BDP1: variants seen among roughly 807,000 people sequenced by gnomAD.
BDP1 encodes the protein transcription factor TFIIIB component B'' homolog.
Under a neutral mutation model 266.6 loss-of-function variants are expected in BDP1, and 169 were observed. The ratio of observed to expected loss-of-function variants is 0.63; its 90% CI spans 0.56 to 0.72. The LOEUF is 0.72. Among genes scored for constraint, BDP1 ranks in the 30% least tolerant of loss-of-function variants. The pLI is 0.00. For synonymous variants in BDP1, 1,090 were observed against 1,022.4 expected (o/e 1.07, Z -1.26); for missense variants, 3,015 against 3,053.8 (o/e 0.99, Z 0.30).
Position 71,501,576 on chromosome 5 carries a change from A to C in BDP1, c.1971A>C (p.Lys657Asn). ...KTSVEKNHVEKDKMNTLDILR... is the reference protein window; with the variant it reads ...KTSVEKNHVENDKMNTLDILR... ...TAAATTCACAGAACCACGTGGAAAA[A>C]GATAAAATGAATACATTGGACATTT... is the stretch of plus-strand genomic sequence containing the variant. The change falls in exon 14 of 39, where the codon AAA becomes AAC. Residue 657 changes from lysine to asparagine, a missense_variant. Physicochemically the swap from Lys to Asn is moderately conservative, Grantham distance 94. This residue lies in a region of BDP1 where 2,383 missense variants were observed against 2,404.9 expected (regional missense o/e 0.99). Transcript: ENST00000358731. The C allele has an allele frequency of 6.3e-7, 1 of 1,595,016 alleles. No homozygotes were observed. Among genetic ancestry groups the C allele is most frequent in the Non-Finnish European group, 8.6e-7 (1 of 1,164,294 alleles).
intron 25 of BDP1, 47 bp from the exon 26 acceptor site, chr5:71,532,261 C>T: frequency 6.4e-7 from 1 of 1,564,498 alleles, no homozygotes; most frequent in African/African-American, 1.4e-5. Flanking sequence ...CTTTGTTTTG[C>T]TGTTTATAAT....
Position 71,481,391 on chromosome 5 carries a change from GAAAAAAAAAAAA to G in BDP1, c.1015-2438_1015-2427del, listed in dbSNP as rs58798987. On this transcript the variant is annotated intron_variant, in intron 7 of 38. Coordinates refer to ENST00000358731, the MANE Select transcript of BDP1 (RefSeq NM_018429.3). ...CATGGCAAGATCCCATCTCTACAAA[GAAAAAAAAAAAA>G]AAAAAAAAAAAAGCCAGGCTTGGTG... Among the ~76,000 whole-genome samples the G allele has an allele frequency of 2.1e-3, 136 of 63,872 alleles. 1 individual carries two copies. The highest frequency in any genetic ancestry group is 7.6e-3 in the African/African-American group (113 of 14,780). 41.9% of individuals were successfully genotyped at this position (63,872 alleles called of 152,430 possible).
At chr5:71,575,490 G>A in the BDP1 span, among the ~76,000 whole-genome samples, 2 of 152,168 alleles carry the variant, frequency 1.3e-5, no homozygotes, top group African/African-American at 2.4e-5. Context: ...TCCAGTGTTT[G>A]TTATTCCAAA....
At chr5:71,556,284 T>C (rs1413467089) in intron 35 of BDP1, among the ~76,000 whole-genome samples, 4 of 152,136 alleles carry the variant, frequency 2.6e-5, no homozygotes, top group African/African-American at 4.8e-5. Context: ...TTTTTTGTAA[T>C]TATAGTGGCT....
At chr5:71,474,614 G>T (rs1461446689) in intron 7 of BDP1, among the ~76,000 whole-genome samples, 2 of 151,866 alleles carry the variant, frequency 1.3e-5, no homozygotes, top group African/African-American at 4.8e-5. Flanking sequence ...TTAGGAGGCT[G>T]AGGGGGGTGG....
chr5:71,539,715 C>G lies in BDP1; in HGVS notation c.6022+66C>G. The G allele has an allele frequency of 1.1e-5, 12 of 1,091,816 alleles. No individual in the cohort carries two copies. The South Asian group carries it at 1.6e-4, about 15-fold the overall frequency. The allele number at this position is 1,091,816 out of a possible 1,614,324, so 67.6% of individuals were successfully genotyped here. The stretch of plus-strand genomic sequence containing the variant: ...TAAAACCTAACTTAAGAAATTATAC[C>G]CACATTTGAGTAATAACCCTTTTAC... On this transcript the variant is annotated intron_variant, in intron 28 of 38. Transcript: ENST00000358731.
At chr5:71,576,610 T>G in the BDP1 span, among the ~76,000 whole-genome samples, 312 of 152,346 alleles carry the variant, frequency 2.0e-3, no homozygotes, top group African/African-American at 6.3e-3. Context: ...GCCCACTGGC[T>G]AGAAAACAAT....
In BDP1 at chr5:71,522,992, A is replaced by G. The variant is rs1212223846; in HGVS notation, c.5387+43A>G. On this transcript the variant is annotated intron_variant, in intron 24 of 38. Coordinates refer to ENST00000358731, the MANE Select transcript of BDP1 (RefSeq NM_018429.3). ...AAAATGTTTCACAATAAGAAATAAA[A>G]ATCACTTAACTTTTACCTTAACTTA... is the stretch of plus-strand genomic sequence containing the variant. 3 of 1,502,256 alleles carry G rather than the reference A, an allele frequency of 2.0e-6. No individual in the cohort carries two copies. In the African/African-American group the frequency reaches 4.2e-5, roughly 21 times the overall value. 93.1% of individuals were successfully genotyped at this position (1,502,256 alleles called of 1,614,324 possible).
At chr5:71,469,248 C>T (rs772997012) in intron 6 of BDP1, among the ~76,000 whole-genome samples, 2 of 151,786 alleles carry the variant, frequency 1.3e-5, no homozygotes, top group Non-Finnish European at 2.9e-5. Flanking sequence ...AGGTGATTCT[C>T]CTTCCTCAGT....
chr5:71,549,688 C>A, intron 34 of BDP1, 82 bp downstream of exon 34: 3 of 1,131,178 alleles, frequency 2.7e-6, no homozygotes, highest in Non-Finnish European at 2.4e-6. Context: ...AACCATTCAC[C>A]AATGTTAGTT....
intron 25 of BDP1, among the ~76,000 whole-genome samples, chr5:71,526,739 G>A (rs1280646940): frequency 6.9e-6 from 1 of 144,824 alleles, no homozygotes; most frequent in African/African-American, 2.6e-5. Context: ...CCAGTCTGGA[G>A]TGCAGTGGTG....
In BDP1 at chr5:71,548,665, T is replaced by A. The variant is rs1457340047; in HGVS notation, c.6745-17T>A. ...ATTTGGCCAACCTGACTCTTTCATTTTAATTTTTTATGGCAGTATACACCA... is the reference window on the plus strand; with the variant it reads ...ATTTGGCCAACCTGACTCTTTCATTATAATTTTTTATGGCAGTATACACCA... On this transcript the variant is annotated splice_polypyrimidine_tract_variant and intron_variant, in intron 32 of 38. Transcript: ENST00000358731. 2 of 1,572,096 alleles carry A rather than the reference T, an allele frequency of 1.3e-6. No individual in the cohort carries two copies. Among genetic ancestry groups the A allele is most frequent in the African/African-American group, 1.4e-5 (1 of 73,842 alleles).
rs147433293 is a variant in BDP1 at position 71,500,215 on chromosome 5, T to C, written c.1957-1347T>C. On this transcript the variant is annotated intron_variant, in intron 13 of 38. Transcript: ENST00000358731. ...TTCTAATCTTATGTTTATTGAATTG[T>C]AGAAAATTTGGAAAATACAGATTCA... 2.7e-3 allele frequency among the ~76,000 whole-genome samples: 410 copies of C among 152,134 alleles called. 2 individuals are homozygous for C. The highest frequency in any genetic ancestry group is 9.5e-3 in the African/African-American group (394 of 41,552).
intron 19 of BDP1, 62 bp downstream of exon 19, chr5:71,513,469 A>G (rs1412043602): frequency 6.1e-6 from 6 of 987,182 alleles, no homozygotes; most frequent in Non-Finnish European, 7.5e-6. Context: ...AGTTATTAGG[A>G]CTACTAAAAG....
chr5:71,543,298 AAAAAG>A (rs1459920162), intron 30 of BDP1, among the ~76,000 whole-genome samples: 5 of 152,180 alleles, frequency 3.3e-5, no homozygotes, highest in Non-Finnish European at 5.9e-5. Context: ...AGAAAAAAGA[AAAAAG>A]AAAATCAGGC....
rs1185135026 is a variant in BDP1 at position 71,510,191 on chromosome 5, G to A, written c.3099G>A (p.Glu1033=). ...CACCAGAGGTGATTGATGCTACTGA[G>A]GAAATAGATTTGGAAGAAACTGAAA... The part of the protein sequence containing the change: ...EKTPEVIDAT[E]EIDLEETERE... The change falls in exon 17 of 39, where the codon GAG becomes GAA. Residue 1033 remains glutamate (E), a synonymous_variant. Transcript: ENST00000358731. 7 of 1,613,926 alleles carry A rather than the reference G, an allele frequency of 4.3e-6. No homozygotes were observed. The South Asian group carries it at 7.7e-5, about 18-fold the overall frequency.
chr5:71,516,178 G>A lies in BDP1; in HGVS notation c.4767G>A (p.Arg1589=). ...CAAATATAAGAAAGACAGGACAGAG[G>A]CAAATAGTAGACAAAGGTGAAGCCA... The part of the protein sequence containing the change: ...PRPNIRKTGQ[R]QIVDKGEAKG... The change falls in exon 21 of 39, where the codon AGG becomes AGA. Residue 1589 remains arginine, a synonymous_variant. Transcript: ENST00000358731. 1 of 1,613,404 alleles carries A rather than the reference G, an allele frequency of 6.2e-7. No individual in the cohort carries two copies. Among genetic ancestry groups the A allele is most frequent in the Middle Eastern group, 1.7e-4 (1 of 6,060 alleles).
intron 33 of BDP1, 72 bp downstream of exon 33, chr5:71,548,817 A>G (rs1742522266): frequency 9.1e-7 from 1 of 1,095,946 alleles, no homozygotes; most frequent in Middle Eastern, 2.1e-4. Context: ...TTAACTATGG[A>G]AAAACATAAA....
chr5:71,475,649 A>G (rs1230655197), intron 7 of BDP1: 4 of 152,308 alleles, frequency 2.6e-5, no homozygotes, highest in Non-Finnish European at 5.9e-5. Flanking sequence ...ATCTCATGTT[A>G]TTTTTCAATG....
Sources: allele counts gnomAD v4.1 joint callset (sites outside exome capture counted in the v4.1 genomes callset), GRCh38; gene constraint gnomAD v4.1.1; regional missense constraint gnomAD v4.1.1; transcripts MANE v1.5; gene names NCBI Gene and HGNC (gene_info 2026-07-23, HGNC 2026-07-21).